Variants in TENM2 observed in about 807,000 individuals in gnomAD.
TENM2 encodes the protein teneurin-2.
In TENM2, 52 loss-of-function variants were observed where a neutral mutation model predicts 245.2. That is an observed-to-expected ratio of 0.21 (90% CI 0.17 to 0.27). The LOEUF is 0.27. Ranked by LOEUF, TENM2 falls within the 10% of genes least tolerant of loss-of-function variation. The pLI is 1.00. For missense variants in TENM2, 3,046 were observed against 3,666.8 expected (o/e 0.83, Z 4.37); for synonymous variants, 1,363 against 1,438.9 (o/e 0.95, Z 1.19).
intron 2 of TENM2, among the ~76,000 whole-genome samples, chr5:167,613,100 T>C (rs1190304609): frequency 2.6e-5 from 4 of 152,136 alleles, no homozygotes; most frequent in African/African-American, 9.7e-5. Context: ...TCAAGTGCTA[T>C]ATGAAGAGCA....
chr5:167,019,459 T>G, the TENM2 span, among the ~76,000 whole-genome samples: 2 of 151,634 alleles, frequency 1.3e-5, no homozygotes, highest in African/African-American at 4.9e-5. Context: ...TTTTTTGTTG[T>G]TGTTTTTGTT....
At chr5:167,784,215 G>A (rs1263969648) in intron 2 of TENM2, among the ~76,000 whole-genome samples, 1 of 152,130 alleles carries the variant, frequency 6.6e-6, no homozygotes, top group Non-Finnish European at 1.5e-5. Context: ...TGGAAAAATT[G>A]CTTAATCTCT....
At chr5:167,993,772 C>T (rs987256397) in intron 5 of TENM2, among the ~76,000 whole-genome samples, 1 of 152,230 alleles carries the variant, frequency 6.6e-6, no homozygotes, top group Admixed American at 6.5e-5. Flanking sequence ...TCTGTCTTCT[C>T]ATCCTCAACT....
chr5:168,060,054 C>A (rs1333319030), intron 6 of TENM2, among the ~76,000 whole-genome samples: 1 of 152,030 alleles, frequency 6.6e-6, no homozygotes, highest in Non-Finnish European at 1.5e-5. Flanking sequence ...CCTCCCCCTG[C>A]AGGTAAGTAA....
At chr5:168,263,058 C>T (rs1768354132), downstream of TENM2, 1 of 458,162 alleles carries the variant, frequency 2.2e-6, no homozygotes, top group Non-Finnish European at 3.9e-6. Context: ...AATGAACAGA[C>T]ACACACAATG....
the TENM2 span, among the ~76,000 whole-genome samples, chr5:167,073,419 G>A: frequency 6.6e-6 from 1 of 152,118 alleles, no homozygotes; most frequent in African/African-American, 2.4e-5. Flanking sequence ...TTGCATTGTT[G>A]ATCAAAATGC....
At chr5:167,570,240 C>T (rs906162498) in intron 2 of TENM2, among the ~76,000 whole-genome samples, 1 of 152,048 alleles carries the variant, frequency 6.6e-6, no homozygotes, top group African/African-American at 2.4e-5. Context: ...AACAAATCTG[C>T]ACTTGATTCT....
At chr5:167,490,547 A>G (rs1582189703) in intron 2 of TENM2, among the ~76,000 whole-genome samples, 4 of 151,994 alleles carry the variant, frequency 2.6e-5, no homozygotes, top group Non-Finnish European at 4.4e-5. Flanking sequence ...ATGAATTAAT[A>G]TAGTCTGTTT....
At chr5:168,154,155 A>AAAAAAAAAAAAAAAAAC (rs1756919602) in intron 12 of TENM2, among the ~76,000 whole-genome samples, 1 of 99,918 alleles carries the variant, frequency 1.0e-5, no homozygotes, top group South Asian at 2.7e-4. Context: ...TTTAAAAAAA[A>AAAAAAAAAAAAAAAAAC]AAAAAAAAAA....
At chr5:168,049,688 T>C (rs111557924) in intron 6 of TENM2, among the ~76,000 whole-genome samples, 3 of 152,226 alleles carry the variant, frequency 2.0e-5, no homozygotes, top group African/African-American at 7.2e-5. Context: ...AAGACCAGAA[T>C]TTTTCCCCTC....
chr5:167,957,689 G>C (rs1780671262), intron 4 of TENM2, among the ~76,000 whole-genome samples: 1 of 152,112 alleles, frequency 6.6e-6, no homozygotes, highest in Admixed American at 6.5e-5. Flanking sequence ...GTTCTCATTG[G>C]TTTCAAAGAA....
At chr5:168,049,769 T>G (rs912116304) in intron 6 of TENM2, among the ~76,000 whole-genome samples, 3 of 152,224 alleles carry the variant, frequency 2.0e-5, no homozygotes, top group Non-Finnish European at 1.5e-5. Flanking sequence ...ATTTTCCAAA[T>G]AAGTTATGTG....
At chr5:167,859,369 G>T (rs1243844531) in intron 2 of TENM2, among the ~76,000 whole-genome samples, 2 of 149,094 alleles carry the variant, frequency 1.3e-5, no homozygotes, top group Middle Eastern at 3.5e-3. Flanking sequence ...ACCCCGTCCG[G>T]GAGGGAGGTG....
intron 2 of TENM2, among the ~76,000 whole-genome samples, chr5:167,702,559 TATATATATATATAC>T (rs1175922950): frequency 6.8e-6 from 1 of 147,668 alleles, no homozygotes; most frequent in African/African-American, 2.5e-5. Context: ...TGTGTATATA[TATATATATATATAC>T]ATATATATAT....
chr5:168,019,044 G>A (rs1015830599), intron 5 of TENM2, among the ~76,000 whole-genome samples: 1 of 152,144 alleles, frequency 6.6e-6, no homozygotes, highest in African/African-American at 2.4e-5. Context: ...TAGCTAGAAG[G>A]GTGCATAGGA....
chr5:167,177,165 T>C, the TENM2 span, among the ~76,000 whole-genome samples: 2 of 152,182 alleles, frequency 1.3e-5, no homozygotes, highest in Non-Finnish European at 2.9e-5. Context: ...AGGGCTTTTT[T>C]CCTCCAGTTT....
intron 2 of TENM2, among the ~76,000 whole-genome samples, chr5:167,731,697 G>GTTTTTT (rs58942656): frequency 8.2e-6 from 1 of 121,686 alleles, no homozygotes; most frequent in Admixed American, 8.5e-5. Flanking sequence ...TTTCTCAGAG[G>GTTTTTT]TTTTTTTTTT....
chr5:167,380,088 G>A (rs994745953), intron 2 of TENM2, among the ~76,000 whole-genome samples: 3 of 151,948 alleles, frequency 2.0e-5, no homozygotes, highest in African/African-American at 7.3e-5. Context: ...AAAAAACGAA[G>A]GACACAGACA....
chr5:168,164,330 G>A lies in TENM2; in HGVS notation c.2569+1573G>A, dbSNP rs547210172. On this transcript the variant is annotated intron_variant, in intron 13 of 28. Coordinates refer to ENST00000518659, the Ensembl canonical transcript of TENM2. ...TCTACCCTCTTAGCAAATTTTGAGT[G>A]TACACTACTTTGTTAGCCATAGATA... Among the ~76,000 whole-genome samples, 6 of 152,172 alleles carry A rather than the reference G, an allele frequency of 3.9e-5. 1 individual carries two copies. The East Asian group carries it at 1.2e-3, about 29-fold the overall frequency.
Sources: gnomAD v4.1 joint callset for allele counts (sites outside exome capture counted in the v4.1 genomes callset) on GRCh38, gnomAD v4.1.1 for gene constraint, MANE v1.5 for transcripts, NCBI Gene and HGNC (gene_info 2026-07-23, HGNC 2026-07-21) for gene names.